SMG6: variants seen among roughly 807,000 people sequenced by gnomAD.
SMG6 encodes the protein SMG6 nonsense mediated mRNA decay factor, also known as telomerase-binding protein EST1A.
A neutral mutation model predicts 142.2 loss-of-function variants in SMG6; 66 were observed. That is an observed-to-expected ratio of 0.46 (90% CI 0.38 to 0.57). SMG6 has a LOEUF of 0.57. SMG6 is among the 20% of genes least tolerant of loss of function. The probability of loss-of-function intolerance (pLI) is 0.00; values close to 1 mark genes in which losing one functional copy is unlikely to be tolerated. For synonymous variants in SMG6, 779 were observed against 702.4 expected (o/e 1.11, Z -1.72); for missense variants, 1,793 against 1,832.0 (o/e 0.98, Z 0.39).
At chr17:2,190,069 T>C (rs78327766) in intron 10 of SMG6, among the ~76,000 whole-genome samples, 1,585 of 152,114 alleles carry the variant, frequency 0.01, 32 homozygotes, top group African/African-American at 0.035. Context: ...GAGGGGAGGA[T>C]GGAAAGCAGG....
chr17:2,289,541 A>G (rs2074984454), intron 6 of SMG6, among the ~76,000 whole-genome samples: 1 of 152,136 alleles, frequency 6.6e-6, no homozygotes, highest in Non-Finnish European at 1.5e-5. Context: ...TAGGTGACAG[A>G]GTGCGATCCT....
intron 12 of SMG6, among the ~76,000 whole-genome samples, chr17:2,185,583 C>T (rs2071953771): frequency 6.6e-6 from 1 of 152,112 alleles, no homozygotes; most frequent in Admixed American, 6.5e-5. Context: ...CCAACACCTG[C>T]CCCCGCCCCC....
intron 13 of SMG6, among the ~76,000 whole-genome samples, chr17:2,141,608 T>C (rs966810235): frequency 1.4e-4 from 21 of 152,104 alleles, no homozygotes; most frequent in African/African-American, 4.8e-4. Flanking sequence ...ACCCGCTAAT[T>C]TTTAAAAAAT....
chr17:2,242,374 A>C (rs2073825594), intron 9 of SMG6, among the ~76,000 whole-genome samples: 1 of 148,682 alleles, frequency 6.7e-6, no homozygotes, highest in South Asian at 2.1e-4. Flanking sequence ...AAAAAAAAAA[A>C]AAAAAATTAG....
At chr17:2,080,150 G>T (rs985823990) in intron 15 of SMG6, among the ~76,000 whole-genome samples, 2 of 150,866 alleles carry the variant, frequency 1.3e-5, no homozygotes, top group Non-Finnish European at 2.9e-5. Context: ...CCAGTGTGAC[G>T]GCTCATGCCT....
chr17:2,077,000 G>A (rs922370894), intron 15 of SMG6, among the ~76,000 whole-genome samples: 1 of 152,212 alleles, frequency 6.6e-6, no homozygotes, highest in South Asian at 2.1e-4. Flanking sequence ...GCTGGTCGCT[G>A]GAGAGGCAAA....
At position 2,121,199 on chromosome 17, in the gene SMG6, G is replaced by A. The variant is rs1448755398; in HGVS notation, c.3358-35298C>T. Among the ~76,000 whole-genome samples the A allele has an allele frequency of 3.9e-5, 6 of 152,276 alleles. No homozygotes were observed. The East Asian group carries it at 9.6e-4, about 24-fold the overall frequency. ...AACACATGTCCAAAAACAGATTTGT[G>A]TACAACTATTCACAGCAACTTTATT... On this transcript the variant is annotated intron_variant, in intron 13 of 18. Coordinates refer to ENST00000263073, the MANE Select transcript of SMG6 (RefSeq NM_017575.5).
intron 8 of SMG6, among the ~76,000 whole-genome samples, chr17:2,262,218 C>T (rs766661924): frequency 1.3e-5 from 2 of 152,192 alleles, no homozygotes; most frequent in Non-Finnish European, 2.9e-5. Context: ...CAAAGCATAA[C>T]TTATTCCTAA....
At chr17:2,160,980 C>CATTCTATACATTCT (rs2071158671) in intron 13 of SMG6, among the ~76,000 whole-genome samples, 3 of 151,986 alleles carry the variant, frequency 2.0e-5, no homozygotes, top group Non-Finnish European at 4.4e-5. Context: ...CTTTTTCTAT[C>CATTCTATACATTCT]ATACATTCTC....
chr17:2,242,255 G>A (rs932159829), intron 9 of SMG6, among the ~76,000 whole-genome samples: 4 of 151,690 alleles, frequency 2.6e-5, no homozygotes, highest in African/African-American at 7.3e-5. Flanking sequence ...GCTCACACCT[G>A]TAATCCCAGC....
intron 13 of SMG6, among the ~76,000 whole-genome samples, chr17:2,170,184 A>ATCCACCTTAGTCTCACT (rs1278473686): frequency 1.3e-5 from 2 of 152,134 alleles, no homozygotes; most frequent in Non-Finnish European, 2.9e-5. Flanking sequence ...GTTGAAGTGG[A>ATCCACCTTAGTCTCACT]GACCTACCTT....
intron 13 of SMG6, among the ~76,000 whole-genome samples, chr17:2,149,018 T>C (rs1400828263): frequency 6.6e-6 from 1 of 152,116 alleles, no homozygotes; most frequent in Non-Finnish European, 1.5e-5. Flanking sequence ...CACAACAGTT[T>C]GAATGTACTT....
intron 9 of SMG6, chr17:2,240,103 C>A (rs933726101): frequency 1.3e-5 from 2 of 152,210 alleles, no homozygotes; most frequent in Non-Finnish European, 2.9e-5. Context: ...CTCCCGAATC[C>A]GAGATGACTC....
At chr17:2,263,289 C>T (rs576193779) in intron 8 of SMG6, among the ~76,000 whole-genome samples, 2 of 152,154 alleles carry the variant, frequency 1.3e-5, no homozygotes, top group African/African-American at 2.4e-5. Flanking sequence ...AAAGACACCA[C>T]GCAACACAAA....
At position 2,245,680 on chromosome 17, in the gene SMG6, C is replaced by G. The variant is rs116800345; in HGVS notation, c.2662-961G>C. 9.8e-3 allele frequency among the ~76,000 whole-genome samples: 1,492 copies of G among 152,194 alleles called. 27 individuals are homozygous for G. The highest frequency in any genetic ancestry group is 0.034 in the African/African-American group (1,401 of 41,530). On this transcript the variant is annotated intron_variant, in intron 8 of 18. Transcript: ENST00000263073. ...GATTACAGGCATGAGCCACTGCACCCAGCATGTTTTGTTGTTTTGAGACAG... is the reference window on the plus strand; with the variant it reads ...GATTACAGGCATGAGCCACTGCACCGAGCATGTTTTGTTGTTTTGAGACAG...
At chr17:2,214,786 C>T (rs745517777) in intron 10 of SMG6, among the ~76,000 whole-genome samples, 11 of 152,180 alleles carry the variant, frequency 7.2e-5, no homozygotes, top group East Asian at 1.9e-4. Flanking sequence ...ATACCGCTGT[C>T]GAAGTAGCTC....
intron 13 of SMG6, among the ~76,000 whole-genome samples, chr17:2,113,453 A>C (rs547350515): frequency 9.2e-5 from 14 of 152,350 alleles, no homozygotes; most frequent in African/African-American, 3.4e-4. Context: ...GTTACAAAGA[A>C]TACAGCACAC....
chr17:2,134,993 C>T (rs1288605877), intron 13 of SMG6, among the ~76,000 whole-genome samples: 1 of 152,164 alleles, frequency 6.6e-6, no homozygotes, highest in East Asian at 1.9e-4. Context: ...GATTCTCCTA[C>T]CTCAGGCTCC....
intron 9 of SMG6, among the ~76,000 whole-genome samples, chr17:2,242,379 A>AAAGAATAAGAAAGAAGCAGG (rs2073826090): frequency 8.6e-6 from 1 of 115,790 alleles, no homozygotes; most frequent in African/African-American, 2.9e-5. Flanking sequence ...AAAAAAAAAA[A>AAAGAATAAGAAAGAAGCAGG]ATTAGTCGGG....
Sources: allele counts gnomAD v4.1 joint callset (sites outside exome capture counted in the v4.1 genomes callset), GRCh38; gene constraint gnomAD v4.1.1; transcripts MANE v1.5; gene names NCBI Gene and HGNC (gene_info 2026-07-23, HGNC 2026-07-21).